SMG6: variants seen among roughly 807,000 people sequenced by gnomAD.
SMG6 encodes SMG6 nonsense mediated mRNA decay factor.
In SMG6, 66 loss-of-function variants were observed where a neutral mutation model predicts 142.2. The observed-to-expected ratio is 0.46, with a 90% CI of 0.38 to 0.57. The LOEUF is 0.57. Among genes scored for constraint, SMG6 ranks in the 20% least tolerant of loss-of-function variants. SMG6 has a pLI of 0.00. For synonymous variants in SMG6, 779 were observed against 702.4 expected (o/e 1.11, Z -1.72); for missense variants, 1,793 against 1,832.0 (o/e 0.98, Z 0.39).
intron 13 of SMG6, among the ~76,000 whole-genome samples, chr17:2,165,847 G>A (rs1317919669): frequency 3.3e-5 from 5 of 152,200 alleles, no homozygotes; most frequent in Non-Finnish European, 7.3e-5. Flanking sequence ...CGAGACTGCA[G>A]TGAGCTATGA....
At chr17:2,258,853 T>TG (rs1481805066) in intron 8 of SMG6, among the ~76,000 whole-genome samples, 4 of 148,638 alleles carry the variant, frequency 2.7e-5, no homozygotes, top group Admixed American at 6.7e-5. Flanking sequence ...TCCAGCATGT[T>TG]GGGGGGCCGA....
intron 16 of SMG6, among the ~76,000 whole-genome samples, chr17:2,067,398 G>C (rs1250521602): frequency 6.6e-6 from 1 of 152,186 alleles, no homozygotes; most frequent in Admixed American, 6.5e-5. Flanking sequence ...GGGCTCCTGA[G>C]ATGTCCACAG....
At chr17:2,083,195 G>A (rs938074756) in intron 14 of SMG6, among the ~76,000 whole-genome samples, 1 of 152,190 alleles carries the variant, frequency 6.6e-6, no homozygotes, top group African/African-American at 2.4e-5. Flanking sequence ...CGTGAGGCCT[G>A]CTGCAGGCCC....
intron 13 of SMG6, among the ~76,000 whole-genome samples, chr17:2,096,492 A>T (rs1247411334): frequency 6.6e-6 from 1 of 152,142 alleles, no homozygotes; most frequent in Non-Finnish European, 1.5e-5. Context: ...TACAGGCGTG[A>T]GCCACTGCGC....
chr17:2,171,616 C>T (rs1372709010), intron 13 of SMG6, among the ~76,000 whole-genome samples: 4 of 151,960 alleles, frequency 2.6e-5, no homozygotes, highest in East Asian at 3.9e-4. Context: ...TCAAGCGATC[C>T]GCCCGTCTCC....
intron 9 of SMG6, 84 bp downstream of exon 9, chr17:2,244,574 C>T (rs2073887712): frequency 9.1e-7 from 1 of 1,093,416 alleles, no homozygotes; most frequent in Non-Finnish European, 1.4e-6. Context: ...CCCTCAGTTA[C>T]AAACACAGTC....
At chr17:2,277,721 TA>T (rs1275195392) in intron 8 of SMG6, among the ~76,000 whole-genome samples, 1 of 152,242 alleles carries the variant, frequency 6.6e-6, no homozygotes, top group East Asian at 1.9e-4. Flanking sequence ...TGCAGATTGT[TA>T]TACATAGTAC....
Position 2,065,363 on chromosome 17 carries a change from G to T in SMG6, c.4047+105C>A, listed in dbSNP as rs2067911035. 9.2e-6 allele frequency: 11 copies of T among 1,190,490 alleles called. No homozygotes were observed. The Admixed American group carries it at 2.2e-4, about 24-fold the overall frequency. 73.7% of individuals were successfully genotyped at this position (1,190,490 alleles called of 1,614,324 possible). A position where few individuals can be genotyped will look rare whatever the true frequency, so the allele number is the denominator to read the frequency against. On this transcript the variant is annotated intron_variant, in intron 17 of 18. Coordinates refer to ENST00000263073, the MANE Select transcript of SMG6 (RefSeq NM_017575.5). ...CCCCACCTGGGCCTCCATGGTGGCT[G>T]GCCCTCAGCTGCCCAGGCTGATGGG... is the stretch of plus-strand genomic sequence containing the variant.
In SMG6 at chr17:2,065,662, C is replaced by T. The variant is rs766036296; in HGVS notation, c.3853G>A (p.Gly1285Ser). 9.3e-6 allele frequency: 15 copies of T among 1,612,852 alleles called. No homozygotes were observed. The highest frequency in any genetic ancestry group is 1.2e-5 in the Non-Finnish European group (14 of 1,179,916). ...TCTGTCTCCTGCCCCTTGGCCAGGCCGTCCAGCTCATTGATCACTGATGAG... is the reference window on the plus strand; with the variant it reads ...TCTGTCTCCTGCCCCTTGGCCAGGCTGTCCAGCTCATTGATCACTGATGAG... ...VPLIVINELD[G>S]LAKGQETDHR... The change falls in exon 17 of 19, where the codon GGC (glycine) becomes AGC (serine). Residue 1285 changes from glycine (G) to serine (S), a missense_variant. Around this residue, in one of 3 missense-constraint regions of SMG6, gnomAD observed 179 missense variants for 212.6 expected, o/e 0.84. Coordinates refer to ENST00000263073, the MANE Select transcript of SMG6 (RefSeq NM_017575.5).
chr17:2,227,534 A>G (rs1334910988), intron 10 of SMG6, among the ~76,000 whole-genome samples: 2 of 152,362 alleles, frequency 1.3e-5, no homozygotes, highest in East Asian at 3.9e-4. Flanking sequence ...CAAATCTAAC[A>G]TACGGTGACA....
intron 10 of SMG6, among the ~76,000 whole-genome samples, chr17:2,221,484 T>G (rs1260702995): frequency 2.6e-5 from 4 of 152,208 alleles, no homozygotes; most frequent in African/African-American, 9.7e-5. Flanking sequence ...CAATTAAACT[T>G]CTTTTCTTTA....
intron 13 of SMG6, among the ~76,000 whole-genome samples, chr17:2,165,678 G>A (rs2071314388): frequency 6.6e-6 from 1 of 152,208 alleles, no homozygotes; most frequent in African/African-American, 2.4e-5. Context: ...AAGGCGGGAG[G>A]ATCACTTGAG....
intron 7 of SMG6, 66 bp downstream of exon 7, chr17:2,283,559 G>A: frequency 2.3e-6 from 3 of 1,288,076 alleles, no homozygotes; most frequent in Non-Finnish European, 2.3e-6. Context: ...GCAGAGCTAG[G>A]GCACACCAAC....
chr17:2,293,546 T>C (rs1597801720), intron 4 of SMG6, among the ~76,000 whole-genome samples: 1 of 152,156 alleles, frequency 6.6e-6, no homozygotes, highest in East Asian at 1.9e-4. Context: ...CTCAGCTCAC[T>C]GCAACCTCCA....
intron 8 of SMG6, among the ~76,000 whole-genome samples, chr17:2,277,091 C>T (rs938041184): frequency 2.2e-4 from 34 of 151,418 alleles, no homozygotes; most frequent in African/African-American, 8.2e-4. Context: ...TACTTTATGT[C>T]TTTTTCAAGG....
intron 10 of SMG6, among the ~76,000 whole-genome samples, chr17:2,206,409 A>C (rs1315309937): frequency 4.0e-5 from 6 of 149,452 alleles, no homozygotes; most frequent in Non-Finnish European, 6.0e-5. Context: ...CCATCTCTAC[A>C]AAAAAAATAA....
intron 8 of SMG6, among the ~76,000 whole-genome samples, chr17:2,259,095 A>G: frequency 6.6e-6 from 1 of 152,106 alleles, no homozygotes; most frequent in East Asian, 1.9e-4. Flanking sequence ...CACAAACAAA[A>G]GGCAACTTTT....
At chr17:2,303,587 G>A (rs770588711) in intron 1 of SMG6, 46 bp downstream of exon 1, 3 of 1,376,548 alleles carry the variant, frequency 2.2e-6, no homozygotes, top group Non-Finnish European at 2.8e-6. Context: ...AGGAGAGGGA[G>A]GCGGGGCGGG....
At chr17:2,302,946 A>C in intron 1 of SMG6, 1 of 985,244 alleles carries the variant, frequency 1.0e-6, no homozygotes, top group Non-Finnish European at 1.2e-6. Context: ...GGCACCTATC[A>C]CAGCTACCAT....
Sources: allele counts gnomAD v4.1 joint callset (sites outside exome capture counted in the v4.1 genomes callset), GRCh38; gene constraint gnomAD v4.1.1; regional missense constraint gnomAD v4.1.1; transcripts MANE v1.5; gene names NCBI Gene and HGNC (gene_info 2026-07-23, HGNC 2026-07-21).